Variants in WDR36 observed in about 807,000 individuals in gnomAD.
WDR36 encodes WD repeat domain 36.
In WDR36, 63 loss-of-function variants were observed where a neutral mutation model predicts 112.7. That is an observed-to-expected ratio of 0.56 (90% CI 0.46 to 0.69). WDR36 has a LOEUF of 0.69. Ranked by LOEUF, WDR36 falls within the 30% of genes least tolerant of loss-of-function variation. The pLI, the probability that WDR36 is intolerant of heterozygous loss-of-function variation, is 0.00. For missense variants in WDR36, 1,226 were observed against 1,070.3 expected (o/e 1.15, Z -2.03); for synonymous variants, 410 against 362.2 (o/e 1.13, Z -1.50).
Position 111,100,613 on chromosome 5 carries a change from A to G in WDR36, c.434A>G (p.Asp145Gly), listed in dbSNP as rs755108498. The part of the protein sequence containing the change: ...SEEEYLQLTF[D>G]KSVFKISAIL... Reference sequence around the variant, plus strand: ...GAAGAATACCTGCAGTTGACTTTTGATAAATCAGTATTTAAAATTTCTGCA... The same window carrying G: ...GAAGAATACCTGCAGTTGACTTTTGGTAAATCAGTATTTAAAATTTCTGCA... The change falls in exon 5 of 23, where the codon GAT becomes GGT. Residue 145 changes from aspartate to glycine, a missense_variant. By Grantham distance (94) the Asp-to-Gly change is moderately conservative (BLOSUM62 -1). Transcript: ENST00000513710. 2 of 1,590,088 alleles carry G rather than the reference A, an allele frequency of 1.3e-6. No homozygotes were observed. The highest frequency in any genetic ancestry group is 1.7e-6 in the Non-Finnish European group (2 of 1,164,454).
Position 111,104,207 on chromosome 5 carries a change from C to T in WDR36, c.761C>T (p.Pro254Leu). The change falls in exon 8 of 23, where the codon CCA (proline) becomes CTA (leucine). Residue 254 changes from proline to leucine, a missense_variant. Physicochemically the swap from Pro to Leu is moderately conservative, Grantham distance 98 (BLOSUM62 -3). Transcript: ENST00000513710. ...DGHPVMAAGS[P>L]CGHIGLWDLE... ...CATCCAGTAATGGCAGCTGGAAGCCCATGTGGCCATATTGGACTCTGGGAT... is the reference window on the plus strand; with the variant it reads ...CATCCAGTAATGGCAGCTGGAAGCCTATGTGGCCATATTGGACTCTGGGAT... The T allele has an allele frequency of 3.7e-6, 6 of 1,611,420 alleles. No individual in the cohort carries two copies. The highest frequency in any genetic ancestry group is 5.1e-6 in the Non-Finnish European group (6 of 1,178,296).
At chr5:111,121,585 A>G (rs1291305694) in intron 19 of WDR36, among the ~76,000 whole-genome samples, 1 of 152,164 alleles carries the variant, frequency 6.6e-6, no homozygotes, top group Non-Finnish European at 1.5e-5. Flanking sequence ...TCAACTACTG[A>G]AAGATTTTTA....
chr5:111,096,651 C>A (rs574137004), intron 2 of WDR36, among the ~76,000 whole-genome samples: 1 of 151,986 alleles, frequency 6.6e-6, no homozygotes, highest in East Asian at 1.9e-4. Flanking sequence ...TTGCAGTGTG[C>A]CAAGATTGCA....
rs781211533 is a variant in WDR36, at chr5:111,097,091, C to G, written c.203C>G (p.Pro68Arg). ...TATTTTCTGCTAGGTAATTCTGTTCCACAGGATATCTGCTGTATGGCAGCT... is the reference window on the plus strand; with the variant it reads ...TATTTTCTGCTAGGTAATTCTGTTCGACAGGATATCTGCTGTATGGCAGCT... ...LSLVAVSNSV[P>R]QDICCMAADG... The change falls in exon 3 of 23, where the codon CCA (proline) becomes CGA (arginine). Residue 68 changes from proline to arginine, a missense_variant. Coordinates refer to ENST00000513710, the MANE Select transcript of WDR36 (RefSeq NM_139281.3). The G allele has an allele frequency of 6.2e-7, 1 of 1,612,528 alleles. No homozygotes were observed. Among genetic ancestry groups the G allele is most frequent in the East Asian group, 2.2e-5 (1 of 44,802 alleles).
intron 1 of WDR36, among the ~76,000 whole-genome samples, chr5:111,094,703 T>A (rs1426622100): frequency 1.3e-5 from 2 of 152,190 alleles, no homozygotes; most frequent in Non-Finnish European, 2.9e-5. Context: ...TGGCCCATTA[T>A]AGAAAACATT....
At chr5:111,115,289 C>T (rs944918187) in intron 16 of WDR36, among the ~76,000 whole-genome samples, 1 of 152,182 alleles carries the variant, frequency 6.6e-6, no homozygotes, top group African/African-American at 2.4e-5. Flanking sequence ...TATCCAACAA[C>T]TGCTGCTGCT....
Position 111,124,194 on chromosome 5 carries a change from GTTGAATTATAAGATATTT to G in WDR36, c.2350+7_2350+24del. ...AAGGACTGGTAAATAATAAGTGTAA[GTTGAATTATAAGATATTT>G]TAACTAATATATTTAGCTTATTTTA... On this transcript the variant is annotated splice_donor_region_variant and intron_variant, in intron 21 of 22. Transcript: ENST00000513710. 1 of 1,605,294 alleles carries G rather than the reference GTTGAATTATAAGATATTT, an allele frequency of 6.2e-7. No individual in the cohort carries two copies. The highest frequency in any genetic ancestry group is 2.2e-5 in the East Asian group (1 of 44,646).
intron 16 of WDR36, among the ~76,000 whole-genome samples, chr5:111,117,997 A>G (rs1454805322): frequency 1.3e-5 from 2 of 152,154 alleles, no homozygotes; most frequent in Non-Finnish European, 2.9e-5. Flanking sequence ...TTAGATGATT[A>G]CTACCATACT....
At position 111,100,763 on chromosome 5, in the gene WDR36, C is replaced by T. The variant is rs768577455; in HGVS notation, c.542+42C>T. On this transcript the variant is annotated intron_variant, in intron 5 of 22. Transcript: ENST00000513710. ...GAAAATAATATAGCTGTCACCTTAT[C>T]CTCATCTACTACTTCCTAATGTATA... 3.8e-6 allele frequency: 6 copies of T among 1,569,554 alleles called. No individual in the cohort carries two copies. In the African/African-American group the frequency reaches 6.8e-5, roughly 18 times the overall value.
intron 22 of WDR36, among the ~76,000 whole-genome samples, chr5:111,126,459 C>T (rs1362511022): frequency 1.3e-5 from 2 of 151,968 alleles, no homozygotes; most frequent in African/African-American, 4.8e-5. Flanking sequence ...AATGAGTTCA[C>T]TTGATCTGAT....
At chr5:111,112,556 G>A (rs1753364075) in intron 15 of WDR36, among the ~76,000 whole-genome samples, 1 of 151,894 alleles carries the variant, frequency 6.6e-6, no homozygotes, top group Non-Finnish European at 1.5e-5. Flanking sequence ...CAACCCTTAG[G>A]TACTACAGGC....
rs977682291 is a variant in WDR36 at position 111,123,683 on chromosome 5, T to C, written c.2149-122T>C. ...AAGAGATCATATTTTAACATTCTTA[T>C]GTGAAAGAGTTTCATTCCTCTTTTA... On this transcript the variant is annotated intron_variant, in intron 19 of 22. Coordinates refer to ENST00000513710, the MANE Select transcript of WDR36 (RefSeq NM_139281.3). 24 of 1,282,558 alleles carry C rather than the reference T, an allele frequency of 1.9e-5. No homozygotes were observed. The South Asian group carries it at 2.6e-4, about 14-fold the overall frequency. The allele number at this position is 1,282,558 out of a possible 1,614,324, so 79.4% of individuals were successfully genotyped here.
chr5:111,099,253 A>G lies in WDR36; in HGVS notation c.409+414A>G, dbSNP rs187354398. 3.9e-5 allele frequency among the ~76,000 whole-genome samples: 6 copies of G among 152,220 alleles called. No individual in the cohort carries two copies. In the East Asian group the frequency reaches 1.2e-3, roughly 29 times the overall value. ...AAATATACATCCATTTCCTAGGGAT[A>G]TGAGTCAGTTTCTTTCAACTGTGAT... is the stretch of plus-strand genomic sequence containing the variant. On this transcript the variant is annotated intron_variant, in intron 4 of 22. Transcript: ENST00000513710.
intron 22 of WDR36, 46 bp from the exon 23 acceptor site, chr5:111,126,688 A>G: frequency 1.2e-6 from 2 of 1,601,144 alleles, no homozygotes; most frequent in Non-Finnish European, 1.7e-6. Context: ...GATTAGGTAA[A>G]ATTTTAATTT....
At position 111,127,774 on chromosome 5, in the gene WDR36, A is replaced by C. The variant is rs1404211372; in HGVS notation, c.*891A>C. On this transcript the variant is annotated 3_prime_UTR_variant, in exon 23 of 23. Transcript: ENST00000513710. ...GAAGATGGCCTTTTACTGACACTGC[A>C]GACATGTAGATAACAATAGTTTAAT... 1 of 211,208 alleles carries C rather than the reference A, an allele frequency of 4.7e-6. No individual in the cohort carries two copies. The highest frequency in any genetic ancestry group is 2.3e-5 in the African/African-American group (1 of 44,158). 13.1% of individuals were successfully genotyped at this position (211,208 alleles called of 1,614,324 possible).
chr5:111,095,790 C>A (rs1452192259), intron 2 of WDR36, among the ~76,000 whole-genome samples: 1 of 152,172 alleles, frequency 6.6e-6, no homozygotes, highest in East Asian at 1.9e-4. Flanking sequence ...GCCATCATTC[C>A]TTCTACTGTA....
In WDR36 at chr5:111,119,051, A is replaced by G. The variant is rs145436765; in HGVS notation, c.1835A>G (p.Asn612Ser). 1.7e-5 allele frequency: 28 copies of G among 1,613,472 alleles called. No homozygotes were observed. In the African/African-American group the frequency reaches 2.1e-4, roughly 12 times the overall value. ...DCFLLDSAPL[N>S]VSMSPTGDFL... Reference sequence around the variant, plus strand: ...TTTTTGTTGGACTCGGCTCCTCTCAATGTTTCTATGTCTCCTACTGGAGAC... The same window carrying G: ...TTTTTGTTGGACTCGGCTCCTCTCAGTGTTTCTATGTCTCCTACTGGAGAC... The change falls in exon 17 of 23, where the codon AAT becomes AGT. Residue 612 changes from asparagine (N) to serine (S), a missense_variant. Coordinates refer to ENST00000513710, the MANE Select transcript of WDR36 (RefSeq NM_139281.3).
chr5:111,124,229 C>T, intron 21 of WDR36, 40 bp downstream of exon 21: 1 of 1,491,046 alleles, frequency 6.7e-7, no homozygotes, highest in Non-Finnish European at 9.3e-7. Flanking sequence ...ATATATTTAG[C>T]TTATTTTACT....
At chr5:111,096,831 T>C (rs894670315) in intron 2 of WDR36, among the ~76,000 whole-genome samples, 17 of 152,224 alleles carry the variant, frequency 1.1e-4, no homozygotes, top group African/African-American at 4.1e-4. Flanking sequence ...TCTAGGATTA[T>C]GTTTTTATTT....
Sources: allele counts gnomAD v4.1 joint callset (sites outside exome capture counted in the v4.1 genomes callset), GRCh38; gene constraint gnomAD v4.1.1; transcripts MANE v1.5; gene names NCBI Gene and HGNC (gene_info 2026-07-23, HGNC 2026-07-21).